The following SEL1L variants were observed in gnomAD, a reference collection of about 807,000 sequenced individuals.
The protein encoded by SEL1L is protein sel-1 homolog 1.
In SEL1L, 52 loss-of-function variants were observed where a neutral mutation model predicts 109.8. That is an observed-to-expected ratio of 0.47 (90% confidence interval 0.38 to 0.60). The LOEUF is 0.60. SEL1L is among the 20% of genes least tolerant of loss of function. The pLI, the probability that SEL1L is intolerant of heterozygous loss-of-function variation, is 0.00. For synonymous variants in SEL1L, 373 were observed against 339.6 expected, an observed-to-expected ratio of 1.10 and a Z score of -1.08; for missense variants, 749 against 962.2, an observed-to-expected ratio of 0.78 and a Z score of 2.93.
At position 81,492,498 on chromosome 14, in the gene SEL1L, G is replaced by GA; in HGVS notation, c.1235_1236insT (p.Met413HisfsTer13). The GA allele has an allele frequency of 6.2e-7, 1 of 1,612,242 alleles. No homozygotes were observed. Among genetic ancestry groups the GA allele is most frequent in the South Asian group, 1.1e-5 (1 of 90,622 alleles). ...ACAGTACCTTTCCCAAAAAGGCCAT[G>GA]GCATGTGAATTGCCAGCATTTGCTG... On this transcript the variant is annotated frameshift_variant, in exon 12 of 21. Transcript: ENST00000336735. LOFTEE classifies it high-confidence loss of function.
intron 5 of SEL1L, among the ~76,000 whole-genome samples, chr14:81,503,141 C>T (rs532933805): frequency 1.3e-4 from 20 of 151,510 alleles, no homozygotes; most frequent in African/African-American, 4.1e-4. Flanking sequence ...TACAGGCGTG[C>T]GCCACCGTGC....
At chr14:81,532,807 T>C (rs1885382257) in intron 1 of SEL1L, among the ~76,000 whole-genome samples, 1 of 152,206 alleles carries the variant, frequency 6.6e-6, no homozygotes, top group South Asian at 2.1e-4. Context: ...AGAACACCTG[T>C]CCTGTTAACT....
intron 17 of SEL1L, 68 bp downstream of exon 17, chr14:81,486,221 A>G: frequency 7.0e-7 from 1 of 1,430,084 alleles, no homozygotes; most frequent in Non-Finnish European, 9.6e-7. Context: ...CTTTTTGAAT[A>G]CATTAAACAG....
chr14:81,530,333 G>C (rs1885274723), intron 1 of SEL1L, among the ~76,000 whole-genome samples: 1 of 150,378 alleles, frequency 6.6e-6, no homozygotes, highest in South Asian at 2.1e-4. Flanking sequence ...TTCATCACAT[G>C]TTAATTCTGA....
rs767531850 is a variant in SEL1L at position 81,499,614 on chromosome 14, C to A, written c.826G>T (p.Ala276Ser). 4 of 1,610,782 alleles carry A rather than the reference C, an allele frequency of 2.5e-6. No individual in the cohort carries two copies. In the Admixed American group the frequency reaches 6.7e-5, roughly 27 times the overall value. ...TAAAGTTTTAATAGTATTACCTTTG[C>A]CTGACTTGAATTAACACCAAGTCCA... ...ASGLGVNSSQ[A>S]KALVYYTFGA... is the part of the protein sequence containing the mutation. The change falls in exon 7 of 21, where the codon GCA becomes TCA. Residue 276 changes from alanine (A) to serine (S), a missense_variant. This residue lies in a region of SEL1L where 366 missense variants were observed against 399.8 expected (regional missense o/e 0.92). Transcript: ENST00000336735.
At chr14:81,488,076 A>G in intron 14 of SEL1L, 134 bp from the exon 15 acceptor site, 1 of 611,562 alleles carries the variant, frequency 1.6e-6, no homozygotes. Flanking sequence ...ACCACTTTCT[A>G]ATTCTTATAA....
chr14:81,510,000 G>A (rs904019409), intron 3 of SEL1L, among the ~76,000 whole-genome samples: 1 of 152,250 alleles, frequency 6.6e-6, no homozygotes, highest in African/African-American at 2.4e-5. Context: ...CAACACGGAA[G>A]GAATTAAAGG....
intron 3 of SEL1L, among the ~76,000 whole-genome samples, chr14:81,512,589 A>G (rs1202279335): frequency 6.6e-6 from 1 of 152,256 alleles, no homozygotes; most frequent in Non-Finnish European, 1.5e-5. Flanking sequence ...GGATGAAGCC[A>G]GTCTACTGAG....
chr14:81,512,342 C>A (rs574836218), intron 3 of SEL1L, among the ~76,000 whole-genome samples: 1 of 152,350 alleles, frequency 6.6e-6, no homozygotes, highest in African/African-American at 2.4e-5. Context: ...AACTGAACTA[C>A]TTTTCAATAG....
intron 3 of SEL1L, among the ~76,000 whole-genome samples, chr14:81,524,674 C>A (rs1469792518): frequency 6.6e-6 from 1 of 152,068 alleles, no homozygotes; most frequent in Non-Finnish European, 1.5e-5. Context: ...GAGTTCGAGA[C>A]CAGCCTGGCC....
In SEL1L at chr14:81,472,603, C is replaced by T. The variant is rs11847584; in HGVS notation, c.*4369G>A. 0.02 allele frequency: 9,317 copies of T among 456,784 alleles called. 606 individuals carry two copies. The highest frequency in any genetic ancestry group is 0.15 in the African/African-American group (7,567 of 49,730). The allele number at this position is 456,784 out of a possible 1,614,324, so 28.3% of individuals were successfully genotyped here. A position where few individuals can be genotyped will look rare whatever the true frequency, so the allele number is the denominator to read the frequency against. ...TTCCTGGGACAAGGCAATGCATAAA[C>T]AAACTTTAGATAAATAATATTATAA... On this transcript the variant is annotated 3_prime_UTR_variant, in exon 21 of 21. Transcript: ENST00000336735.
chr14:81,513,476 A>T (rs1595527936), intron 3 of SEL1L, among the ~76,000 whole-genome samples: 1 of 152,048 alleles, frequency 6.6e-6, no homozygotes, highest in African/African-American at 2.4e-5. Context: ...CACCTTAAGA[A>T]CTGTAACACT....
chr14:81,522,556 G>A (rs1012125710), intron 3 of SEL1L, among the ~76,000 whole-genome samples: 4 of 152,150 alleles, frequency 2.6e-5, no homozygotes, highest in Admixed American at 6.5e-5. Context: ...ACATATAGCC[G>A]AGGTATAGGC....
At chr14:81,533,639 G>A (rs781748415) in intron 1 of SEL1L, 36 bp downstream of exon 1, 14 of 1,598,366 alleles carry the variant, frequency 8.8e-6, no homozygotes, top group Non-Finnish European at 1.1e-5. Flanking sequence ...GGGGGCGGAG[G>A]CTCTGGGCCT....
intron 6 of SEL1L, among the ~76,000 whole-genome samples, chr14:81,501,602 T>C (rs987423311): frequency 3.3e-5 from 5 of 152,172 alleles, no homozygotes; most frequent in Admixed American, 1.3e-4. Context: ...TGTTATTGTT[T>C]ATATAGTTTG....
intron 3 of SEL1L, among the ~76,000 whole-genome samples, chr14:81,515,894 T>A (rs2140042979): frequency 6.6e-6 from 1 of 152,082 alleles, no homozygotes; most frequent in African/African-American, 2.4e-5. Context: ...AAAGGAAAAG[T>A]GAGATCAGAG....
rs192507665 is a variant in SEL1L at position 81,487,773 on chromosome 14, T to C, written c.1483+82A>G. ...ACCAGCCAGAATTTGATAGCACCCA[T>C]TTCCACATCATAATGCCATCTAGTA... On this transcript the variant is annotated intron_variant, in intron 15 of 20. Coordinates refer to ENST00000336735, the MANE Select transcript of SEL1L (RefSeq NM_005065.6). 1.6e-4 allele frequency: 247 copies of C among 1,579,146 alleles called. No homozygotes were observed. In the African/African-American group the frequency reaches 2.9e-3, roughly 18 times the overall value.
At chr14:81,477,303 A>ACGTGTGTG (rs1555412244) in intron 20 of SEL1L, 122 bp from the exon 21 acceptor site, 1 of 540,552 alleles carries the variant, frequency 1.8e-6, no homozygotes, top group Middle Eastern at 4.4e-4. Context: ...ACGTTTTGCA[A>ACGTGTGTG]TGTGTGTGTG....
intron 19 of SEL1L, among the ~76,000 whole-genome samples, chr14:81,483,351 A>G (rs916585545): frequency 9.2e-5 from 14 of 152,228 alleles, no homozygotes; most frequent in Non-Finnish European, 1.6e-4. Context: ...TAACTGACCA[A>G]CTGTGACTAG....
Sources: gnomAD v4.1 joint callset for allele counts (sites outside exome capture counted in the v4.1 genomes callset) on GRCh38, gnomAD v4.1.1 for gene constraint, gnomAD v4.1.1 regional missense constraint, MANE v1.5 for transcripts, NCBI Gene and HGNC (gene_info 2026-07-23, HGNC 2026-07-21) for gene names.